FARP2: variants seen among roughly 807,000 people sequenced by gnomAD.
FARP2 encodes FERM, ARH/RhoGEF and pleckstrin domain protein 2.
Under a neutral mutation model 130.5 loss-of-function variants are expected in FARP2, and 111 were observed. That is an observed-to-expected ratio of 0.85 (90% CI 0.73 to 1.00). The LOEUF (loss-of-function observed/expected upper bound fraction) is 1.00. FARP2 is among the 50% of genes least tolerant of loss of function. The pLI is 0.00. For synonymous variants in FARP2, 504 were observed against 516.9 expected, an observed-to-expected ratio of 0.98 and a Z score of 0.34; for missense variants, 1,385 against 1,346.3, an observed-to-expected ratio of 1.03 and a Z score of -0.45.
At chr2:241,404,992 G>A in intron 4 of FARP2, 151 bp downstream of exon 4, 1 of 554,644 alleles carries the variant, frequency 1.8e-6, no homozygotes, top group Non-Finnish European at 3.2e-6. Flanking sequence ...AAGTCATTTT[G>A]CTGTTTAGTT....
intron 2 of FARP2, among the ~76,000 whole-genome samples, chr2:241,379,393 A>T (rs1419003659): frequency 1.3e-5 from 2 of 152,238 alleles, no homozygotes; most frequent in Non-Finnish European, 2.9e-5. Context: ...TGGGGATTGC[A>T]TCTAATGAGC....
intron 8 of FARP2, among the ~76,000 whole-genome samples, chr2:241,421,036 G>A (rs558689494): frequency 2.0e-5 from 3 of 152,252 alleles, no homozygotes; most frequent in Admixed American, 6.5e-5. Context: ...GAAGAAAAGC[G>A]AGGGTGGGGG....
intron 8 of FARP2, among the ~76,000 whole-genome samples, chr2:241,431,411 G>T (rs1406219799): frequency 4.4e-5 from 2 of 45,560 alleles, no homozygotes; most frequent in Non-Finnish European, 8.4e-5. Flanking sequence ...GGAGTTTGAG[G>T]CTGCAGTGAG....
chr2:241,356,500 C>T, intron 1 of FARP2, 112 bp downstream of exon 1: 1 of 152,488 alleles, frequency 6.6e-6, no homozygotes, highest in Non-Finnish European at 1.5e-5. Context: ...GCTGAGGCCG[C>T]GGTCCACCAG....
In FARP2 at chr2:241,474,317, CAAAAAAAAAAAAAA is replaced by C. The variant is rs56128645; in HGVS notation, c.2132-1520_2132-1507del. Among the ~76,000 whole-genome samples, 20 of 46,678 alleles carry C rather than the reference CAAAAAAAAAAAAAA, an allele frequency of 4.3e-4. No individual in the cohort carries two copies. The South Asian group carries it at 4.4e-3, about 10-fold the overall frequency. The allele number at this position is 46,678 out of a possible 152,430, so 30.6% of individuals were successfully genotyped here. On this transcript the variant is annotated intron_variant, in intron 18 of 26. Coordinates refer to ENST00000264042, the MANE Select transcript of FARP2 (RefSeq NM_014808.4). Reference sequence around the variant, plus strand: ...CAGAGCGCAGAGCGAGATTCCGTCTCAAAAAAAAAAAAAAAAAAAAAAAAAAAAAAAAAGATAGA... The same window carrying C: ...CAGAGCGCAGAGCGAGATTCCGTCTCAAAAAAAAAAAAAAAAAAAGATAGA...
intron 1 of FARP2, chr2:241,372,624 C>A (rs2061448814): frequency 6.6e-6 from 1 of 152,266 alleles, no homozygotes; most frequent in Admixed American, 6.5e-5. Context: ...TTTGTGGAGC[C>A]TGTTTACGTT....
chr2:241,443,721 C>T (rs1230751306), intron 13 of FARP2: 2 of 152,324 alleles, frequency 1.3e-5, no homozygotes, highest in Admixed American at 1.3e-4. Context: ...CAGGCCAGCC[C>T]TAGATGACAC....
At chr2:241,448,431 T>C (rs915565437) in intron 13 of FARP2, among the ~76,000 whole-genome samples, 5 of 152,264 alleles carry the variant, frequency 3.3e-5, no homozygotes, top group Non-Finnish European at 5.9e-5. Context: ...TCTTTCCTAA[T>C]CCTAATAACT....
chr2:241,488,422 T>C (rs1332627440), intron 21 of FARP2: 6 of 150,306 alleles, frequency 4.0e-5, no homozygotes, highest in Non-Finnish European at 8.9e-5. Context: ...TTTGGTTTTT[T>C]TTTTTTTTTT....
At position 241,468,337 on chromosome 2, in the gene FARP2, A is replaced by T; in HGVS notation, c.2091A>T (p.Gly697=). The T allele has an allele frequency of 6.2e-7, 1 of 1,613,452 alleles. No homozygotes were observed. The highest frequency in any genetic ancestry group is 8.5e-7 in the Non-Finnish European group (1 of 1,179,990). ...HYRLLLRRLC[G]HYSPGHHDYA... ...GCCTGCTGCTGCGCCGCCTATGCGG[A>T]CATTACAGCCCCGGGCACCATGACT... Residue 697 remains glycine, a synonymous_variant, in exon 18 of 27, where the codon GGA becomes GGT. Transcript: ENST00000264042.
rs2063384531 is a variant in FARP2, at chr2:241,441,554, C to T, written c.1409C>T (p.Pro470Leu). 1 of 1,613,882 alleles carries T rather than the reference C, an allele frequency of 6.2e-7. No individual in the cohort carries two copies. Among genetic ancestry groups the T allele is most frequent in the Admixed American group, 1.7e-5 (1 of 59,998 alleles). ...PLGPPALQPG[P>L]GLSTKSPQPS... ...GGGCCCCCCGCACTCCAGCCTGGTC[C>T]AGGTGTCGGGTTTTGTCATGTCGTG... is the stretch of plus-strand genomic sequence containing the variant. The change falls in exon 13 of 27, where the codon CCA becomes CTA. Residue 470 changes from proline to leucine, a missense_variant and splice_region_variant. Pro to Leu is a moderately conservative substitution (Grantham distance 98). Transcript: ENST00000264042.
At chr2:241,462,647 AAAAT>A in intron 15 of FARP2, 35 bp downstream of exon 15, 20 of 1,314,624 alleles carry the variant, frequency 1.5e-5, no homozygotes, top group Non-Finnish European at 2.1e-5. Flanking sequence ...ATTTTTTTTT[AAAAT>A]AAATCTCTCA....
At position 241,494,105 on chromosome 2, in the gene FARP2, G is replaced by C; in HGVS notation, c.3145G>C (p.Val1049Leu). ...ACCCTCCTCAGGGCTGGAGGGGATGGTCAGGGGGAAGGAGGAATGACGCTC... is the reference window on the plus strand; with the variant it reads ...ACCCTCCTCAGGGCTGGAGGGGATGCTCAGGGGGAAGGAGGAATGACGCTC... Reference protein sequence around the residue: ...PQPSSGLEGMVRGKEE With the variant: ...PQPSSGLEGMLRGKEE The change falls in exon 27 of 27, where the codon GTC becomes CTC. Residue 1049 changes from valine (V) to leucine (L), a missense_variant. Physicochemically the swap from Val to Leu is conservative, Grantham distance 32. Coordinates refer to ENST00000264042, the MANE Select transcript of FARP2 (RefSeq NM_014808.4). The surrounding 1 kb of genome is among the most constrained non-coding windows in gnomAD (Gnocchi z 4.9). 1 of 1,478,524 alleles carries C rather than the reference G, an allele frequency of 6.8e-7. No individual in the cohort carries two copies. Among genetic ancestry groups the C allele is most frequent in the Non-Finnish European group, 8.9e-7 (1 of 1,123,418 alleles). 91.6% of individuals were successfully genotyped at this position (1,478,524 alleles called of 1,614,324 possible).
intron 21 of FARP2, among the ~76,000 whole-genome samples, chr2:241,484,963 C>T (rs1193907408): frequency 6.6e-6 from 1 of 152,126 alleles, no homozygotes; most frequent in African/African-American, 2.4e-5. Context: ...TCGTCCAGGA[C>T]ACCACGTCAC....
In FARP2 at chr2:241,453,027, A is replaced by G. The variant is rs140514337; in HGVS notation, c.1412-3720A>G. Among the ~76,000 whole-genome samples the G allele has an allele frequency of 1.6e-3, 241 of 151,660 alleles. 3 individuals are homozygous for G. The highest frequency in any genetic ancestry group is 5.6e-3 in the African/African-American group (233 of 41,404). ...AGTTGTGAGTTGACCATTTTTTGTT[A>G]AATAGAAATTATTTATAATAGGGCC... On this transcript the variant is annotated intron_variant, in intron 13 of 26. Transcript: ENST00000264042.
chr2:241,448,338 A>G (rs1282456781), intron 13 of FARP2, among the ~76,000 whole-genome samples: 1 of 152,272 alleles, frequency 6.6e-6, no homozygotes, highest in Non-Finnish European at 1.5e-5. Context: ...GCATTTCTGT[A>G]TGAGGTCTAT....
rs775943812 is a variant in FARP2, at chr2:241,491,557, G to A, written c.2665G>A (p.Asp889Asn). 6.2e-7 allele frequency: 1 copy of A among 1,613,784 alleles called. No homozygotes were observed. The highest frequency in any genetic ancestry group is 8.5e-7 in the Non-Finnish European group (1 of 1,179,958). Reference sequence around the variant, plus strand: ...ATCTCTGGAGCAGGAGTCAGAAGATGATGCTCGGGGTGTCCGCAGCTCCCT... The same window carrying A: ...ATCTCTGGAGCAGGAGTCAGAAGATAATGCTCGGGGTGTCCGCAGCTCCCT... ...EVSLEQESED[D>N]ARGVRSSLEG... The change falls in exon 24 of 27, where the codon GAT becomes AAT. Residue 889 changes from aspartate to asparagine, a missense_variant. By Grantham distance (23) the Asp-to-Asn change is conservative. Coordinates refer to ENST00000264042, the MANE Select transcript of FARP2 (RefSeq NM_014808.4).
At chr2:241,493,272 T>TG in intron 25 of FARP2, 21 bp from the exon 26 acceptor site, 2 of 1,610,792 alleles carry the variant, frequency 1.2e-6, no homozygotes, top group African/African-American at 2.7e-5. Context: ...CTGGAACCCG[T>TG]GTCCCTATGC....
chr2:241,422,250 A>C (rs2062827066), intron 8 of FARP2, among the ~76,000 whole-genome samples: 1 of 139,330 alleles, frequency 7.2e-6, no homozygotes, highest in African/African-American at 2.7e-5. Context: ...CCCCATCTCT[A>C]CTAAAAATAC....
Sources: allele counts gnomAD v4.1 joint callset (sites outside exome capture counted in the v4.1 genomes callset), GRCh38; gene constraint gnomAD v4.1.1; non-coding constraint Gnocchi (gnomAD v3.1); transcripts MANE v1.5; gene names NCBI Gene and HGNC (gene_info 2026-07-23, HGNC 2026-07-21).